The following SHB variants were observed in gnomAD, a reference collection of about 807,000 sequenced individuals.
SHB encodes the protein SH2 domain containing adaptor protein B, also known as SH2 domain-containing adapter protein B.
SHB carries 20 observed loss-of-function variants against 52.3 expected under a neutral mutation model. The ratio of observed to expected loss-of-function variants is 0.38; its 90% CI spans 0.27 to 0.56. The LOEUF (loss-of-function observed/expected upper bound fraction) is 0.56, where lower values mean the gene tolerates loss of function less well. Ranked by LOEUF, SHB falls within the 20% of genes least tolerant of loss-of-function variation. The pLI is 0.71. For missense variants in SHB, 825 were observed against 723.3 expected (o/e 1.14, Z -1.61); for synonymous variants, 397 against 316.5 (o/e 1.25, Z -2.70).
intron 1 of SHB, among the ~76,000 whole-genome samples, chr9:38,030,454 A>C (rs1821399693): frequency 6.6e-6 from 1 of 152,194 alleles, no homozygotes; most frequent in South Asian, 2.1e-4. Flanking sequence ...CAGAGAGCAG[A>C]GGAAATGCTC....
chr9:38,042,310 C>T (rs1821595284), intron 1 of SHB, among the ~76,000 whole-genome samples: 2 of 152,232 alleles, frequency 1.3e-5, no homozygotes, highest in African/African-American at 2.4e-5. Context: ...CACCCATCAT[C>T]TTCAGTTATC....
In SHB at chr9:38,015,994, G is replaced by T; in HGVS notation, c.838+17C>A. The T allele has an allele frequency of 1.2e-6, 2 of 1,613,422 alleles. No homozygotes were observed. The highest frequency in any genetic ancestry group is 1.7e-6 in the Non-Finnish European group (2 of 1,179,610). On this transcript the variant is annotated intron_variant, in intron 2 of 5. Transcript: ENST00000377707. Reference sequence around the variant, plus strand: ...TACAACCCCAGCTGTGAGCCCCTGCGCTTCAGCTCCACTTACCTGTCATGA... The same window carrying T: ...TACAACCCCAGCTGTGAGCCCCTGCTCTTCAGCTCCACTTACCTGTCATGA...
chr9:37,957,564 T>C (rs1055472686), intron 3 of SHB, among the ~76,000 whole-genome samples: 4 of 152,190 alleles, frequency 2.6e-5, no homozygotes, highest in African/African-American at 9.7e-5. Context: ...TGGACTGTGC[T>C]GAGCGTGTGG....
At chr9:37,921,379 C>T (rs1004637737) in intron 5 of SHB, among the ~76,000 whole-genome samples, 2 of 152,224 alleles carry the variant, frequency 1.3e-5, no homozygotes, top group African/African-American at 4.8e-5. Flanking sequence ...CAGGACTGGG[C>T]TTCCCAAGCT....
At chr9:37,948,612 G>A in intron 5 of SHB, 23 bp downstream of exon 5, 1 of 1,612,216 alleles carries the variant, frequency 6.2e-7, no homozygotes, top group Non-Finnish European at 8.5e-7. Flanking sequence ...AGGAGGGCTG[G>A]GGGTGCTCGG....
chr9:37,944,876 G>C (rs1294970783), intron 5 of SHB, among the ~76,000 whole-genome samples: 2 of 151,818 alleles, frequency 1.3e-5, no homozygotes. Flanking sequence ...GGCAGGGACT[G>C]CCCACCCACA....
At chr9:37,996,142 C>T (rs982611555) in intron 2 of SHB, among the ~76,000 whole-genome samples, 2 of 152,142 alleles carry the variant, frequency 1.3e-5, no homozygotes, top group African/African-American at 2.4e-5. Flanking sequence ...TCTGTGTGCC[C>T]GTAGTCAGCC....
intron 1 of SHB, among the ~76,000 whole-genome samples, chr9:38,022,861 C>A (rs943883260): frequency 1.3e-5 from 2 of 152,194 alleles, no homozygotes; most frequent in Non-Finnish European, 2.9e-5. Context: ...GAACACGCTG[C>A]CTGGGAAAGG....
chr9:37,922,543 C>T (rs745922762), intron 5 of SHB, among the ~76,000 whole-genome samples: 3 of 152,176 alleles, frequency 2.0e-5, no homozygotes, highest in African/African-American at 7.2e-5. Context: ...TTTATCACCC[C>T]CAACACACTC....
rs902752521 is a variant in SHB at position 37,948,550 on chromosome 9, C to T, written c.1346+85G>A. 24 of 1,538,738 alleles carry T rather than the reference C, an allele frequency of 1.6e-5. No individual in the cohort carries two copies. The South Asian group carries it at 1.6e-4, about 10-fold the overall frequency. On this transcript the variant is annotated intron_variant, in intron 5 of 5. Coordinates refer to ENST00000377707, the MANE Select transcript of SHB (RefSeq NM_003028.3). ...TGGCAAGTTTCCCAGGGGACACTGGCGGGTTTTTCTGCCACAGACACGGTG... is the reference window on the plus strand; with the variant it reads ...TGGCAAGTTTCCCAGGGGACACTGGTGGGTTTTTCTGCCACAGACACGGTG...
Position 37,919,668 on chromosome 9 carries a change from G to GC in SHB, c.*152dup. On this transcript the variant is annotated 3_prime_UTR_variant, in exon 6 of 6. Transcript: ENST00000377707. ...AGGCCTTCTCCAGCCCCCGTAAGTG[G>GC]CAACAGCATTCTAGAGACATGCAGT... The GC allele has an allele frequency of 1.7e-6, 1 of 587,332 alleles. No individual in the cohort carries two copies. The highest frequency in any genetic ancestry group is 3.0e-6 in the Non-Finnish European group (1 of 333,390). 36.4% of individuals were successfully genotyped at this position (587,332 alleles called of 1,614,324 possible).
At chr9:38,043,420 C>T (rs911836995) in intron 1 of SHB, among the ~76,000 whole-genome samples, 7 of 152,162 alleles carry the variant, frequency 4.6e-5, no homozygotes, top group African/African-American at 1.7e-4. Flanking sequence ...TGTGCATTTC[C>T]CTGTCTGAAA....
At chr9:37,942,695 G>A (rs1832448107) in intron 5 of SHB, among the ~76,000 whole-genome samples, 2 of 152,240 alleles carry the variant, frequency 1.3e-5, no homozygotes, top group African/African-American at 4.8e-5. Context: ...CCAGCATCAG[G>A]TGCGGGGAAA....
In SHB at chr9:37,917,819, A is replaced by C. The variant is rs1316993852; in HGVS notation, c.*2002T>G. Among the ~76,000 whole-genome samples, 1 of 152,274 alleles carries C rather than the reference A, an allele frequency of 6.6e-6. No homozygotes were observed. The highest frequency in any genetic ancestry group is 2.4e-5 in the African/African-American group (1 of 41,472). On this transcript the variant is annotated 3_prime_UTR_variant, in exon 6 of 6. Coordinates refer to ENST00000377707, the MANE Select transcript of SHB (RefSeq NM_003028.3). The stretch of plus-strand genomic sequence containing the variant: ...AAGAGATTAAACCCAGGCCACAGCC[A>C]GCGTGGTCTCTATGAGGGCTGGGCC...
chr9:37,930,223 A>G (rs1312475593), intron 5 of SHB, among the ~76,000 whole-genome samples: 4 of 152,212 alleles, frequency 2.6e-5, no homozygotes, highest in African/African-American at 9.6e-5. Context: ...CAAGACACCA[A>G]CCAGATACTC....
intron 3 of SHB, among the ~76,000 whole-genome samples, chr9:37,964,515 C>T (rs924763517): frequency 4.6e-5 from 7 of 152,078 alleles, no homozygotes; most frequent in South Asian, 2.1e-4. Flanking sequence ...TGAAATAACC[C>T]GAACGCAGAG....
chr9:37,980,172 G>A (rs1022435361), intron 2 of SHB, among the ~76,000 whole-genome samples: 11 of 152,178 alleles, frequency 7.2e-5, no homozygotes, highest in African/African-American at 2.4e-4. Flanking sequence ...TTCCTTTCAC[G>A]AAAGATTTCT....
At chr9:38,029,615 C>T (rs975397132) in intron 1 of SHB, among the ~76,000 whole-genome samples, 2 of 152,020 alleles carry the variant, frequency 1.3e-5, no homozygotes, top group Middle Eastern at 3.2e-3. Context: ...CTCTGCCTCC[C>T]GAGTAGCTGG....
intron 1 of SHB, among the ~76,000 whole-genome samples, chr9:38,067,463 A>G (rs557992147): frequency 4.0e-4 from 61 of 152,284 alleles, no homozygotes; most frequent in Middle Eastern, 6.8e-3. Flanking sequence ...CGCTGGAGAC[A>G]GCCGGTCCGG....
Sources: gnomAD v4.1 joint callset for allele counts (sites outside exome capture counted in the v4.1 genomes callset) on GRCh38, gnomAD v4.1.1 for gene constraint, MANE v1.5 for transcripts, NCBI Gene and HGNC (gene_info 2026-07-23, HGNC 2026-07-21) for gene names.